The following AMOTL1 variants were observed in gnomAD, a reference collection of about 807,000 sequenced individuals.
AMOTL1 encodes angiomotin-like protein 1.
Under a neutral mutation model 102.9 loss-of-function variants are expected in AMOTL1, and 45 were observed. That is an observed-to-expected ratio of 0.44 (90% CI 0.34 to 0.56). The LOEUF (loss-of-function observed/expected upper bound fraction) is 0.56. AMOTL1 is among the 20% of genes least tolerant of loss of function. AMOTL1 has a pLI of 0.01. For missense variants in AMOTL1, 1,114 were observed against 1,225.6 expected (o/e 0.91, Z 1.36); for synonymous variants, 481 against 484.7 (o/e 0.99, Z 0.10).
chr11:94,847,099 A>G (rs1468654529), intron 6 of AMOTL1, among the ~76,000 whole-genome samples: 3 of 152,194 alleles, frequency 2.0e-5, no homozygotes, highest in African/African-American at 7.2e-5. Context: ...CAGGACAGAG[A>G]TGTTTGACCC....
At position 94,819,646 on chromosome 11, in the gene AMOTL1, A is replaced by T. The variant is rs1407119349; in HGVS notation, c.1122-1884A>T. ...GACCAAACCAATGTTCATCTTACAT[A>T]CTGATTGACGTCTCGTGTCTCTCAT... On this transcript the variant is annotated intron_variant, in intron 3 of 12. Transcript: ENST00000433060. Among the ~76,000 whole-genome samples, 3 of 152,126 alleles carry T rather than the reference A, an allele frequency of 2.0e-5. 1 individual carries two copies. The South Asian group carries it at 6.2e-4, about 31-fold the overall frequency.
chr11:94,838,177 C>T (rs975724639), intron 6 of AMOTL1, among the ~76,000 whole-genome samples: 1 of 152,194 alleles, frequency 6.6e-6, no homozygotes, highest in Non-Finnish European at 1.5e-5. Flanking sequence ...TCTATCTTCC[C>T]CCACTAAACT....
At chr11:94,745,203 T>G in intron 3 of AMOTL1, among the ~76,000 whole-genome samples, 1 of 139,956 alleles carries the variant, frequency 7.1e-6, no homozygotes, top group Admixed American at 7.3e-5. Flanking sequence ...CCCTCCCCCA[T>G]CCCCCATACA....
chr11:94,827,891 C>A (rs916475893), intron 4 of AMOTL1, among the ~76,000 whole-genome samples: 1 of 152,222 alleles, frequency 6.6e-6, no homozygotes, highest in Non-Finnish European at 1.5e-5. Flanking sequence ...CCACTGGCTT[C>A]AGTTTTTCCC....
At chr11:94,813,688 G>A (rs1447260101) in intron 3 of AMOTL1, among the ~76,000 whole-genome samples, 1 of 152,126 alleles carries the variant, frequency 6.6e-6, no homozygotes, top group South Asian at 2.1e-4. Context: ...GTCGTCCCAT[G>A]TGTACAAGGA....
intron 1 of AMOTL1, among the ~76,000 whole-genome samples, chr11:94,712,295 T>G (rs1178472028): frequency 6.6e-6 from 1 of 152,070 alleles, no homozygotes; most frequent in African/African-American, 2.4e-5. Flanking sequence ...TGGCTAGCTA[T>G]ATGCAGAAGA....
At chr11:94,809,665 A>G (rs114558174) in intron 3 of AMOTL1, among the ~76,000 whole-genome samples, 2,025 of 152,350 alleles carry the variant, frequency 0.013, 47 homozygotes, top group African/African-American at 0.046. Flanking sequence ...TATAGCCCTT[A>G]TGCCAAATTT....
chr11:94,722,404 C>A (rs1950188077), intron 1 of AMOTL1, among the ~76,000 whole-genome samples: 1 of 152,102 alleles, frequency 6.6e-6, no homozygotes, highest in Non-Finnish European at 1.5e-5. Context: ...ATAATAGAAA[C>A]AACTACTATT....
chr11:94,740,480 G>C (rs1176702935), intron 2 of AMOTL1: 1 of 151,808 alleles, frequency 6.6e-6, no homozygotes, highest in East Asian at 1.9e-4. Flanking sequence ...TGCGCGGGGC[G>C]CCTGGGTGGG....
At chr11:94,757,830 G>A (rs1565341277) in intron 3 of AMOTL1, among the ~76,000 whole-genome samples, 1 of 152,212 alleles carries the variant, frequency 6.6e-6, no homozygotes, top group Admixed American at 6.5e-5. Flanking sequence ...GGTAGGCTGA[G>A]GCAGATGGAT....
At chr11:94,770,883 T>C (rs1308867314) in intron 1 of AMOTL1, among the ~76,000 whole-genome samples, 1 of 152,136 alleles carries the variant, frequency 6.6e-6, no homozygotes, top group African/African-American at 2.4e-5. Context: ...CTAGAGGCTG[T>C]TGTGGGTAGA....
At chr11:94,791,307 T>C (rs1233884098) in intron 1 of AMOTL1, among the ~76,000 whole-genome samples, 1 of 152,156 alleles carries the variant, frequency 6.6e-6, no homozygotes, top group African/African-American at 2.4e-5. Flanking sequence ...CAAAAACAGA[T>C]CTTTAGGTTT....
rs144247131 is a variant in AMOTL1, at chr11:94,828,974, G to C, written c.1414-1076G>C. Among the ~76,000 whole-genome samples the C allele has an allele frequency of 2.7e-3, 404 of 152,182 alleles. 1 individual carries two copies. The highest frequency in any genetic ancestry group is 9.5e-3 in the African/African-American group (394 of 41,526). ...TCTTTACCCTTTCTCTTGCATTTAT[G>C]TTACATAACAATACAATGGGATTTA... On this transcript the variant is annotated intron_variant, in intron 4 of 12. Transcript: ENST00000433060.
At position 94,856,167 on chromosome 11, in the gene AMOTL1, A is replaced by G. The variant is rs1592039950; in HGVS notation, c.1944+2085A>G. On this transcript the variant is annotated intron_variant, in intron 8 of 12. Coordinates refer to ENST00000433060, the MANE Select transcript of AMOTL1 (RefSeq NM_130847.3). ...GCTCTTGATACTCATTAAAAAGATAAGTAGAGGTTGAGTATCCCTTATCTG... is the reference window on the plus strand; with the variant it reads ...GCTCTTGATACTCATTAAAAAGATAGGTAGAGGTTGAGTATCCCTTATCTG... 2.0e-5 allele frequency among the ~76,000 whole-genome samples: 3 copies of G among 152,322 alleles called. No homozygotes were observed. The South Asian group carries it at 6.2e-4, about 32-fold the overall frequency.
chr11:94,831,239 G>A (rs78594608), intron 5 of AMOTL1, among the ~76,000 whole-genome samples: 1 of 152,124 alleles, frequency 6.6e-6, no homozygotes, highest in East Asian at 1.9e-4. Context: ...ATATCATTTG[G>A]CATTAGATCG....
intron 3 of AMOTL1, among the ~76,000 whole-genome samples, chr11:94,807,499 C>T (rs1951585921): frequency 6.6e-6 from 1 of 151,934 alleles, no homozygotes; most frequent in Admixed American, 6.6e-5. Context: ...TTTTAAGTAG[C>T]CATACATGTT....
Position 94,869,272 on chromosome 11 carries a change from T to A in AMOTL1, c.2563T>A (p.Ser855Thr). The A allele has an allele frequency of 6.2e-7, 1 of 1,613,076 alleles. No individual in the cohort carries two copies. The highest frequency in any genetic ancestry group is 1.3e-5 in the African/African-American group (1 of 74,984). The change falls in exon 12 of 13, where the codon TCC becomes ACC. Residue 855 changes from serine to threonine, a missense_variant. Coordinates refer to ENST00000433060, the MANE Select transcript of AMOTL1 (RefSeq NM_130847.3). The stretch of plus-strand genomic sequence containing the variant: ...GCCACCCCCACCCACCTCAGCACTG[T>A]CCTCCATAGCCTCCACTACGGCAGC... ...LLPPPPTSALSSIASTTAASS... is the reference protein window; with the variant it reads ...LLPPPPTSALTSIASTTAASS...
chr11:94,779,979 A>G (rs1195254674), intron 1 of AMOTL1, among the ~76,000 whole-genome samples: 1 of 152,192 alleles, frequency 6.6e-6, no homozygotes, highest in African/African-American at 2.4e-5. Context: ...CTTTTTCTGC[A>G]TTTTTGGTAG....
At chr11:94,850,910 T>C (rs2135710893) in intron 7 of AMOTL1, among the ~76,000 whole-genome samples, 1 of 152,318 alleles carries the variant, frequency 6.6e-6, no homozygotes, top group South Asian at 2.1e-4. Context: ...AACAGTATTG[T>C]TACTAACCCA....
Sources: allele counts gnomAD v4.1 joint callset (sites outside exome capture counted in the v4.1 genomes callset), GRCh38; gene constraint gnomAD v4.1.1; transcripts MANE v1.5; gene names NCBI Gene and HGNC (gene_info 2026-07-23, HGNC 2026-07-21).